ADAM28: variants seen among roughly 807,000 people sequenced by gnomAD.
ADAM28 encodes ADAM metallopeptidase domain 28, also known as disintegrin and metalloproteinase domain-containing protein 28.
In ADAM28, 105 loss-of-function variants were observed where a neutral mutation model predicts 101.2. The observed-to-expected ratio is 1.04, with a 90% CI of 0.89 to 1.22. The LOEUF is 1.22. Among genes scored for constraint, ADAM28 ranks in the 50% most tolerant of loss-of-function variants. ADAM28 has a pLI of 0.00. For missense variants in ADAM28, 1,028 were observed against 945.4 expected (o/e 1.09, Z -1.15); for synonymous variants, 322 against 310.6 (o/e 1.04, Z -0.39).
rs1259861932 is a variant in ADAM28 at position 24,349,804 on chromosome 8, A to G, written c.1991-60A>G. 7 of 1,287,252 alleles carry G rather than the reference A, an allele frequency of 5.4e-6. No homozygotes were observed. The East Asian group carries it at 1.2e-4, about 21-fold the overall frequency. 79.7% of individuals were successfully genotyped at this position (1,287,252 alleles called of 1,614,324 possible). A position where few individuals can be genotyped will look rare whatever the true frequency, so the allele number is the denominator to read the frequency against. ...TGTGCTAAGTAAAGAAACAAGGACT[A>G]GTGTGTTGTGCAGATGTGTGTTTCT... On this transcript the variant is annotated intron_variant, in intron 18 of 22. Transcript: ENST00000265769.
intron 6 of ADAM28, among the ~76,000 whole-genome samples, chr8:24,319,239 A>G (rs373208833): frequency 1.3e-5 from 2 of 151,832 alleles, no homozygotes; most frequent in South Asian, 2.1e-4. Context: ...TCGTTAATAC[A>G]TCTGCTTGAG....
chr8:24,345,581 GT>G (rs1488974258), intron 18 of ADAM28, among the ~76,000 whole-genome samples: 1 of 151,824 alleles, frequency 6.6e-6, no homozygotes, highest in African/African-American at 2.4e-5. Flanking sequence ...CTTTTTTACA[GT>G]CTATATTTTA....
At chr8:24,317,477 C>T (rs1282559320) in intron 6 of ADAM28, among the ~76,000 whole-genome samples, 1 of 151,860 alleles carries the variant, frequency 6.6e-6, no homozygotes, top group Non-Finnish European at 1.5e-5. Flanking sequence ...AACTGGATAT[C>T]CACATGCAAA....
Position 24,354,411 on chromosome 8 carries a change from A to C in ADAM28, c.*7A>C, listed in dbSNP as rs770457299. 2 of 1,604,042 alleles carry C rather than the reference A, an allele frequency of 1.2e-6. No homozygotes were observed. Among genetic ancestry groups the C allele is most frequent in the Non-Finnish European group, 1.7e-6 (2 of 1,174,602 alleles). On this transcript the variant is annotated 3_prime_UTR_variant, in exon 23 of 23. Coordinates refer to ENST00000265769, the MANE Select transcript of ADAM28 (RefSeq NM_014265.6). The stretch of plus-strand genomic sequence containing the variant: ...CTCAAATCCAAAAGCATGAAGCAAC[A>C]GCTAAGCAAGAACTAATGGCTAAAT...
Position 24,357,984 on chromosome 8 carries a change from T to TTATAGTTGTTTCTCTTGTTTACTTA in ADAM28, c.*3606_*3630dup, listed in dbSNP as rs542128164. 2 of 152,158 alleles carry TTATAGTTGTTTCTCTTGTTTACTTA rather than the reference T, an allele frequency of 1.3e-5. No individual in the cohort carries two copies. Among genetic ancestry groups the TTATAGTTGTTTCTCTTGTTTACTTA allele is most frequent in the South Asian group, 4.1e-4 (2 of 4,830 alleles). The allele number at this position is 152,158 out of a possible 1,614,324, so 9.4% of individuals were successfully genotyped here. A position where few individuals can be genotyped will look rare whatever the true frequency, so the allele number is the denominator to read the frequency against. Reference sequence around the variant, plus strand: ...TCCTCCTGTTCACTAATTTCAAAATTTATAGTTGTTTCTCTTGTTTACTTA... The same window carrying TTATAGTTGTTTCTCTTGTTTACTTA: ...TCCTCCTGTTCACTAATTTCAAAATTTATAGTTGTTTCTCTTGTTTACTTATATAGTTGTTTCTCTTGTTTACTTA... On this transcript the variant is annotated 3_prime_UTR_variant, in exon 23 of 23. Coordinates refer to ENST00000265769, the MANE Select transcript of ADAM28 (RefSeq NM_014265.6).
intron 14 of ADAM28, chr8:24,335,874 T>G (rs1275983336): frequency 8.2e-7 from 1 of 1,216,474 alleles, no homozygotes; most frequent in Non-Finnish European, 1.0e-6. Context: ...TTTTTGTTAA[T>G]TTTTTGTTTT....
At chr8:24,298,691 C>T (rs410149) in intron 1 of ADAM28, among the ~76,000 whole-genome samples, 69,216 of 151,838 alleles carry the variant, frequency 0.46, 17,233 homozygotes, top group Non-Finnish European at 0.56. Flanking sequence ...AGAAAAAAAC[C>T]TTTTCAGTTT....
intron 16 of ADAM28, 195 bp from the exon 17 acceptor site, chr8:24,342,906 T>A: frequency 1.1e-6 from 1 of 952,042 alleles, no homozygotes. Flanking sequence ...TTAGATAGAC[T>A]TTATCAACCT....
intron 5 of ADAM28, among the ~76,000 whole-genome samples, chr8:24,312,251 G>A (rs1382190028): frequency 6.6e-6 from 1 of 151,934 alleles, no homozygotes; most frequent in Non-Finnish European, 1.5e-5. Context: ...ATCTCAGTAT[G>A]CCTTAAACCA....
intron 8 of ADAM28, 57 bp from the exon 9 acceptor site, chr8:24,323,777 T>C: frequency 6.7e-7 from 1 of 1,485,708 alleles, no homozygotes; most frequent in South Asian, 1.3e-5. Context: ...ATTGAAAATG[T>C]TTAAAATGAT....
At chr8:24,319,639 G>C (rs1345178332) in intron 6 of ADAM28, among the ~76,000 whole-genome samples, 1 of 150,758 alleles carries the variant, frequency 6.6e-6, no homozygotes, top group Non-Finnish European at 1.5e-5. Context: ...GGAATAATCT[G>C]TTGGTCCCTT....
chr8:24,326,739 A>C, intron 10 of ADAM28, 104 bp downstream of exon 10: 1 of 1,098,610 alleles, frequency 9.1e-7, no homozygotes, highest in East Asian at 2.5e-5. Flanking sequence ...TAGTCTGTTG[A>C]CATGGTAAAT....
Position 24,351,979 on chromosome 8 carries a change from C to T in ADAM28, c.2179-8C>T. The T allele has an allele frequency of 1.2e-6, 2 of 1,613,228 alleles. No individual in the cohort carries two copies. The highest frequency in any genetic ancestry group is 1.7e-4 in the Middle Eastern group (1 of 6,056). On this transcript the variant is annotated splice_region_variant and splice_polypyrimidine_tract_variant and intron_variant, in intron 20 of 22. Transcript: ENST00000265769. ...GGTTCATTTTGAAATATTCGTTCTT[C>T]TTTTCAGATGAGTCAGATGAAGCCC... is the stretch of plus-strand genomic sequence containing the variant.
chr8:24,309,076 CAA>C (rs1429130927), intron 2 of ADAM28, among the ~76,000 whole-genome samples: 1 of 152,122 alleles, frequency 6.6e-6, no homozygotes, highest in African/African-American at 2.4e-5. Context: ...TTTTATAGAC[CAA>C]AGTCAGAACT....
chr8:24,299,872 T>C, intron 1 of ADAM28, 102 bp from the exon 2 acceptor site: 1 of 792,304 alleles, frequency 1.3e-6, no homozygotes, highest in East Asian at 2.5e-5. Context: ...TTCAGGCTTC[T>C]GTGTGTGGCA....
At chr8:24,305,109 ATG>A (rs1022599475) in intron 2 of ADAM28, among the ~76,000 whole-genome samples, 15 of 150,080 alleles carry the variant, frequency 1.0e-4, no homozygotes, top group African/African-American at 3.7e-4. Context: ...TTCTACTTCT[ATG>A]TTTTTTTTAA....
rs116073839 is a variant in ADAM28 at position 24,351,567 on chromosome 8, G to A, written c.2178+257G>A. ...CGGATGTCTGTCTGTCTCTCTCTTT[G>A]TCTCTGCTTCATTCTCTCTCCCTCT... On this transcript the variant is annotated intron_variant, in intron 20 of 22. Coordinates refer to ENST00000265769, the MANE Select transcript of ADAM28 (RefSeq NM_014265.6). 4.3e-3 allele frequency: 2,324 copies of A among 544,224 alleles called. 32 individuals carry two copies. Among genetic ancestry groups the A allele is most frequent in the African/African-American group, 0.04 (2,082 of 52,664 alleles). The allele number at this position is 544,224 out of a possible 1,614,324, so 33.7% of individuals were successfully genotyped here. A position where few individuals can be genotyped will look rare whatever the true frequency, so the allele number is the denominator to read the frequency against.
chr8:24,305,353 C>CA lies in ADAM28; in HGVS notation c.151-4539dup, dbSNP rs1178703614. ...TGTGTCAGGAGCGATGGTGTGTTCA[C>CA]AAGTGTGTGTATGTGTGTGTGTGCA... On this transcript the variant is annotated intron_variant, in intron 2 of 22. Coordinates refer to ENST00000265769, the MANE Select transcript of ADAM28 (RefSeq NM_014265.6). Among the ~76,000 whole-genome samples the CA allele has an allele frequency of 3.3e-5, 5 of 149,328 alleles. No individual in the cohort carries two copies. The East Asian group carries it at 8.1e-4, about 24-fold the overall frequency.
At chr8:24,312,123 TA>T (rs1810541115) in intron 5 of ADAM28, among the ~76,000 whole-genome samples, 1 of 152,180 alleles carries the variant, frequency 6.6e-6, no homozygotes, top group Non-Finnish European at 1.5e-5. Flanking sequence ...CTGTTAATGA[TA>T]TACTATGCAT....
Sources: allele counts gnomAD v4.1 joint callset (sites outside exome capture counted in the v4.1 genomes callset), GRCh38; gene constraint gnomAD v4.1.1; transcripts MANE v1.5; gene names NCBI Gene and HGNC (gene_info 2026-07-23, HGNC 2026-07-21).